The following PLS3 variants were observed in gnomAD, a reference collection of about 807,000 sequenced individuals.
PLS3 encodes the protein plastin 3, also known as plastin-3.
Under a neutral mutation model 46.5 loss-of-function variants are expected in PLS3, and 11 were observed. The ratio of observed to expected loss-of-function variants is 0.24; its 90% CI spans 0.15 to 0.39. The LOEUF (loss-of-function observed/expected upper bound fraction) is 0.39, where lower values mean the gene tolerates loss of function less well. PLS3 is among the 10% of genes least tolerant of loss of function. PLS3 has a pLI of 1.00. For synonymous variants in PLS3, 167 were observed against 162.2 expected (o/e 1.03, Z -0.22); for missense variants, 308 against 461.8 (o/e 0.67, Z 3.05).
chrX:115,615,403 A>C (rs2074587249), intron 2 of PLS3, among the ~76,000 whole-genome samples: 1 of 108,563 alleles, frequency 9.2e-6, no homozygotes, highest in Admixed American at 1.0e-4. Context: ...GGGGAGTTAA[A>C]TAGTATTTAA....
At chrX:115,562,667 T>G (rs986550441) in intron 1 of PLS3, 48 of 111,630 alleles carry the variant, frequency 4.3e-4, no homozygotes, top group African/African-American at 1.6e-3. Context: ...GAGCCTAAAC[T>G]TGATCCTCGA....
chrX:115,645,960 G>A (rs2074947328), intron 11 of PLS3, 112 bp from the exon 12 acceptor site: 1 of 488,210 alleles, frequency 2.0e-6, no homozygotes, highest in Non-Finnish European at 3.7e-6. Flanking sequence ...TGAGTCTTGG[G>A]TATTATTTAT....
chrX:115,623,149 T>G (rs782115584), intron 3 of PLS3, among the ~76,000 whole-genome samples: 50 of 111,594 alleles, frequency 4.5e-4, no homozygotes, highest in African/African-American at 1.6e-3. Context: ...TTTTTAGACT[T>G]ATGCCATTTT....
chrX:115,596,400 C>T (rs781822423), intron 1 of PLS3, among the ~76,000 whole-genome samples: 11 of 111,602 alleles, frequency 9.9e-5, no homozygotes, highest in Non-Finnish European at 1.7e-4. Flanking sequence ...AGATACCAAC[C>T]GTGCTTTTAA....
At chrX:115,606,160 C>CTTTTTTTTT (rs2074490297) in intron 1 of PLS3, among the ~76,000 whole-genome samples, 1 of 37,580 alleles carries the variant, frequency 2.7e-5, no homozygotes, top group Non-Finnish European at 4.9e-5. Flanking sequence ...TTTTTCTTTT[C>CTTTTTTTTT]TTTTCTTTTT....
Position 115,640,440 on chromosome X carries a change from A to G in PLS3, c.924A>G (p.Gln308=), listed in dbSNP as rs1556640862. 1 of 1,196,681 alleles carries G rather than the reference A, an allele frequency of 8.4e-7. No individual in the cohort carries two copies. Among genetic ancestry groups the G allele is most frequent in the East Asian group, 3.0e-5 (1 of 33,712 alleles). The change falls in exon 9 of 16, where the codon CAA becomes CAG. Residue 308 remains glutamine (Q), a synonymous_variant. Transcript: ENST00000355899. ...AAGCCTATTTCCATCTTCTCAATCA[A>G]ATCGCACCAAAAGGACAAAAGGAAG... ...DSKAYFHLLN[Q]IAPKGQKEGE...
chrX:115,642,911 G>C (rs2074912816), intron 9 of PLS3, among the ~76,000 whole-genome samples: 1 of 111,485 alleles, frequency 9.0e-6, no homozygotes, highest in South Asian at 3.7e-4. Flanking sequence ...TATTTAACTT[G>C]AGGTGGCTTA....
intron 4 of PLS3, 22 bp downstream of exon 4, chrX:115,629,349 G>A: frequency 8.5e-7 from 1 of 1,170,466 alleles, no homozygotes; most frequent in Admixed American, 2.3e-5. Context: ...ATATGCAATA[G>A]GTTAACACAA....
Position 115,637,848 on chromosome X carries a change from G to A in PLS3, c.891+870G>A, listed in dbSNP as rs191473614. 2.7e-5 allele frequency among the ~76,000 whole-genome samples: 3 copies of A among 112,061 alleles called. 1 individual carries two copies. In the Admixed American group the frequency reaches 2.8e-4, roughly 11 times the overall value. On this transcript the variant is annotated intron_variant, in intron 8 of 15. Transcript: ENST00000355899. ...GAAGCAGTGAGTTGCCTGTACTACT[G>A]ATTTCATCCATGAAAATTAAGAGTA...
chrX:115,582,114 A>G (rs1230522905), intron 1 of PLS3, among the ~76,000 whole-genome samples: 1 of 112,300 alleles, frequency 8.9e-6, no homozygotes, highest in African/African-American at 3.2e-5. Flanking sequence ...ATTTTGTCTA[A>G]TGAAAGACTT....
At chrX:115,583,181 A>G (rs1373581409) in intron 1 of PLS3, among the ~76,000 whole-genome samples, 1 of 112,867 alleles carries the variant, frequency 8.9e-6, no homozygotes, top group Non-Finnish European at 1.9e-5. Context: ...ACTCTAAACT[A>G]TATTATGTAA....
intron 1 of PLS3, among the ~76,000 whole-genome samples, chrX:115,570,873 C>T (rs2074210026): frequency 9.5e-6 from 1 of 104,900 alleles, no homozygotes; most frequent in South Asian, 4.3e-4. Context: ...GCTCAGAAAC[C>T]TGTTTATCGT....
intron 1 of PLS3, among the ~76,000 whole-genome samples, chrX:115,595,972 T>C (rs1297371089): frequency 6.3e-5 from 7 of 111,612 alleles, no homozygotes; most frequent in Non-Finnish European, 1.3e-4. Context: ...TGTCAAAACA[T>C]GATGTATGCA....
chrX:115,568,108 C>T (rs1019705002), intron 1 of PLS3, among the ~76,000 whole-genome samples: 2 of 110,974 alleles, frequency 1.8e-5, no homozygotes, highest in Admixed American at 1.9e-4. Context: ...CCATTTTTGC[C>T]ATTTCTTGTT....
At chrX:115,644,268 C>T (rs1452131665) in intron 10 of PLS3, among the ~76,000 whole-genome samples, 2 of 110,202 alleles carry the variant, frequency 1.8e-5, no homozygotes, top group Admixed American at 2.0e-4. Context: ...TTTACCTTTT[C>T]CAGATTATAT....
chrX:115,643,734 G>T (rs2074921909), intron 10 of PLS3, among the ~76,000 whole-genome samples: 1 of 111,931 alleles, frequency 8.9e-6, no homozygotes, highest in Non-Finnish European at 1.9e-5. Flanking sequence ...ACTTTGGGAG[G>T]CCGACATGGG....
intron 5 of PLS3, 68 bp from the exon 6 acceptor site, chrX:115,633,932 C>T: frequency 1.7e-6 from 1 of 576,715 alleles, no homozygotes; most frequent in South Asian, 2.5e-5. Flanking sequence ...TAAATATTTA[C>T]AGCCACTTTA....
Position 115,635,001 on chromosome X carries a change from A to G in PLS3, c.703A>G (p.Ile235Val). Reference protein sequence around the residue: ...HLVLGLLWQIIKIGLFADIEL... With the variant: ...HLVLGLLWQIVKIGLFADIEL... ...GGTTTTGGGACTGCTTTGGCAGATC[A>G]TTAAGATCGGTTTGTTCGCTGACAT... is the stretch of plus-strand genomic sequence containing the variant. Residue 235 changes from isoleucine to valine, a missense_variant, in exon 7 of 16, where the codon ATT becomes GTT. Ile to Val is a conservative substitution (Grantham distance 29). This residue lies in a region of PLS3 where 271 missense variants were observed against 435.7 expected (regional missense o/e 0.62). Transcript: ENST00000355899. 8.3e-7 allele frequency: 1 copy of G among 1,210,669 alleles called. No homozygotes were observed. The highest frequency in any genetic ancestry group is 1.1e-6 in the Non-Finnish European group (1 of 894,729).
chrX:115,609,710 A>G (rs782283230), intron 1 of PLS3, among the ~76,000 whole-genome samples: 8 of 112,647 alleles, frequency 7.1e-5, no homozygotes, highest in Non-Finnish European at 1.3e-4. Context: ...AAGAATGTGT[A>G]TATTAGCACA....
Sources: allele counts gnomAD v4.1 joint callset (sites outside exome capture counted in the v4.1 genomes callset), GRCh38; gene constraint gnomAD v4.1.1; regional missense constraint gnomAD v4.1.1; transcripts MANE v1.5; gene names NCBI Gene and HGNC (gene_info 2026-07-23, HGNC 2026-07-21).